GTF2E2: variants seen among roughly 807,000 people sequenced by gnomAD.
GTF2E2 encodes general transcription factor IIE subunit 2.
A neutral mutation model predicts 40.5 loss-of-function variants in GTF2E2; 21 were observed. The observed-to-expected ratio is 0.52, with a 90% confidence interval of 0.37 to 0.75. The LOEUF is 0.75. Among genes scored for constraint, GTF2E2 ranks in the 30% least tolerant of loss-of-function variants. GTF2E2 has a pLI of 0.00. For missense variants in GTF2E2, 298 were observed against 338.4 expected (o/e 0.88, Z 0.94); for synonymous variants, 117 against 121.6 (o/e 0.96, Z 0.25).
chr8:30,581,332 G>A (rs1828510429), intron 6 of GTF2E2, among the ~76,000 whole-genome samples: 1 of 152,126 alleles, frequency 6.6e-6, no homozygotes, highest in Admixed American at 6.5e-5. Context: ...CCAGAGCCAA[G>A]AACTTCCCAC....
At chr8:30,630,133 C>T (rs978168277) in intron 3 of GTF2E2, among the ~76,000 whole-genome samples, 2 of 152,186 alleles carry the variant, frequency 1.3e-5, no homozygotes, top group African/African-American at 4.8e-5. Context: ...GTTCCTCTTT[C>T]ATCTTAACCA....
intron 2 of GTF2E2, among the ~76,000 whole-genome samples, chr8:30,648,255 C>T (rs1406347971): frequency 6.6e-6 from 1 of 152,158 alleles, no homozygotes; most frequent in Non-Finnish European, 1.5e-5. Context: ...GATACCACAC[C>T]TAAGAGATAA....
chr8:30,623,414 ATG>A (rs1475577145), intron 3 of GTF2E2, among the ~76,000 whole-genome samples: 2 of 152,086 alleles, frequency 1.3e-5, no homozygotes, highest in Admixed American at 6.5e-5. Flanking sequence ...CATGGTGTAT[ATG>A]TGCCACATTT....
Position 30,614,681 on chromosome 8 carries a change from G to A in GTF2E2, c.293C>T (p.Thr98Ile). 6.2e-7 allele frequency: 1 copy of A among 1,608,456 alleles called. No homozygotes were observed. The change falls in exon 4 of 8, where the codon ACC becomes ATC. Residue 98 changes from threonine (T) to isoleucine (I), a missense_variant. Coordinates refer to ENST00000355904, the MANE Select transcript of GTF2E2 (RefSeq NM_002095.6). The part of the protein sequence containing the change: ...RHQRGDTHPL[T>I]LDEILDETQH... Reference sequence around the variant, plus strand: ...TGTTTCATCCAAAATTTCATCTAAGGTTAGAGGATGCGTATCTCCTCGCTG... The same window carrying A: ...TGTTTCATCCAAAATTTCATCTAAGATTAGAGGATGCGTATCTCCTCGCTG...
chr8:30,643,518 T>C (rs1357706927), intron 2 of GTF2E2: 3 of 152,094 alleles, frequency 2.0e-5, no homozygotes, highest in Non-Finnish European at 4.4e-5. Flanking sequence ...TAGCCAGGTG[T>C]GGTGGCACAT....
intron 2 of GTF2E2, chr8:30,636,815 T>A: frequency 3.3e-6 from 1 of 305,834 alleles, no homozygotes; most frequent in Non-Finnish European, 6.2e-6. Flanking sequence ...ATAGTGCCAC[T>A]GCACTCCAGC....
chr8:30,597,117 A>G (rs1324598579), intron 6 of GTF2E2: 1 of 152,418 alleles, frequency 6.6e-6, no homozygotes, highest in African/African-American at 2.4e-5. Flanking sequence ...TTGGGCAAAC[A>G]CTGTCTTCCT....
intron 2 of GTF2E2, 27 bp downstream of exon 2, chr8:30,653,406 C>T: frequency 6.3e-7 from 1 of 1,577,826 alleles, no homozygotes; most frequent in African/African-American, 1.4e-5. Flanking sequence ...GAATAAAAAC[C>T]AAACAGTCCT....
At chr8:30,593,202 A>G (rs1828898848) in intron 6 of GTF2E2, among the ~76,000 whole-genome samples, 1 of 152,204 alleles carries the variant, frequency 6.6e-6, no homozygotes, top group Admixed American at 6.5e-5. Flanking sequence ...AAAGAGAAAA[A>G]AAGGAAAATA....
At chr8:30,623,491 T>G (rs532630201) in intron 3 of GTF2E2, among the ~76,000 whole-genome samples, 2 of 152,158 alleles carry the variant, frequency 1.3e-5, no homozygotes, top group Non-Finnish European at 2.9e-5. Flanking sequence ...TGCATGTCTC[T>G]TTACAGCAGC....
rs79272171 is a variant in GTF2E2 at position 30,620,451 on chromosome 8, G to A, written c.259-5736C>T. Among the ~76,000 whole-genome samples the A allele has an allele frequency of 1.7e-3, 262 of 152,052 alleles. 2 individuals are homozygous for A. Among genetic ancestry groups the A allele is most frequent in the African/African-American group, 6.0e-3 (250 of 41,396 alleles). ...GACACAGCACTCATTCAATCATACT[G>A]CTTTCAGTCAGAAAAAGAGCTTCTT... is the stretch of plus-strand genomic sequence containing the variant. On this transcript the variant is annotated intron_variant, in intron 3 of 7. Transcript: ENST00000355904.
intron 3 of GTF2E2, among the ~76,000 whole-genome samples, chr8:30,618,502 T>C (rs755839328): frequency 2.6e-5 from 4 of 152,068 alleles, no homozygotes; most frequent in Non-Finnish European, 4.4e-5. Context: ...GCTCATTCCT[T>C]CACTTTCAGG....
chr8:30,580,334 A>G lies in GTF2E2; in HGVS notation c.706T>C (p.Tyr236His), dbSNP rs1828481118. The stretch of plus-strand genomic sequence containing the variant: ...GAAGAAATACCCTGTCGCTTCAGAT[A>G]TTCTTCAATTTTCTCCTCGTCCATG... ...DSMDEEKIEE[Y>H]LKRQGISSMQ... Residue 236 changes from tyrosine (Y) to histidine (H), a missense_variant, in exon 7 of 8, where the codon TAT (tyrosine) becomes CAT (histidine). Physicochemically the swap from Tyr to His is moderately conservative, Grantham distance 83 (BLOSUM62 2). Transcript: ENST00000355904. 3 of 1,611,568 alleles carry G rather than the reference A, an allele frequency of 1.9e-6. No homozygotes were observed. In the South Asian group the frequency reaches 3.3e-5, roughly 18 times the overall value.
chr8:30,650,217 T>A (rs568465217), intron 2 of GTF2E2, among the ~76,000 whole-genome samples: 1 of 152,020 alleles, frequency 6.6e-6, no homozygotes, highest in Non-Finnish European at 1.5e-5. Flanking sequence ...CCACAACAAA[T>A]AAAAATGATT....
At chr8:30,630,640 A>T (rs2979494) in intron 3 of GTF2E2, among the ~76,000 whole-genome samples, 1 of 151,782 alleles carries the variant, frequency 6.6e-6, no homozygotes, top group African/African-American at 2.4e-5. Context: ...AAGTAATCTC[A>T]CCTCCATTCA....
At chr8:30,625,878 C>T (rs537005325) in intron 3 of GTF2E2, among the ~76,000 whole-genome samples, 3 of 152,272 alleles carry the variant, frequency 2.0e-5, no homozygotes, top group Non-Finnish European at 2.9e-5. Flanking sequence ...GGATTACAGG[C>T]GTGAGCCACC....
intron 2 of GTF2E2, chr8:30,638,789 T>C (rs1031438011): frequency 6.6e-6 from 1 of 152,322 alleles, no homozygotes; most frequent in African/African-American, 2.4e-5. Flanking sequence ...GGTAGGATTT[T>C]ATTATGAAAA....
chr8:30,634,403 G>A (rs553470501), intron 3 of GTF2E2, among the ~76,000 whole-genome samples: 14 of 152,040 alleles, frequency 9.2e-5, no homozygotes, highest in East Asian at 3.9e-4. Context: ...AGCTACGATC[G>A]TGCCACTGCA....
rs183772734 is a variant in GTF2E2 at position 30,655,936 on chromosome 8, G to A, written c.-5+2037C>T. 5.3e-5 allele frequency among the ~76,000 whole-genome samples: 8 copies of A among 151,970 alleles called. No homozygotes were observed. In the East Asian group the frequency reaches 1.6e-3, roughly 29 times the overall value. On this transcript the variant is annotated intron_variant, in intron 1 of 7. Coordinates refer to ENST00000355904, the MANE Select transcript of GTF2E2 (RefSeq NM_002095.6). Reference sequence around the variant, plus strand: ...AGCGATTCTCCTGGCTCAGCCTCCCGAGTAGCTGGGACTACAGGCGCGCAG... The same window carrying A: ...AGCGATTCTCCTGGCTCAGCCTCCCAAGTAGCTGGGACTACAGGCGCGCAG...
Sources: gnomAD v4.1 joint callset for allele counts (sites outside exome capture counted in the v4.1 genomes callset) on GRCh38, gnomAD v4.1.1 for gene constraint, MANE v1.5 for transcripts, NCBI Gene and HGNC (gene_info 2026-07-23, HGNC 2026-07-21) for gene names.